CPEB3: variants seen among roughly 807,000 people sequenced by gnomAD.
CPEB3 encodes cytoplasmic polyadenylation element-binding protein 3.
A neutral mutation model predicts 67.2 loss-of-function variants in CPEB3; 20 were observed. The observed-to-expected ratio is 0.30, with a 90% CI of 0.21 to 0.43. The LOEUF (loss-of-function observed/expected upper bound fraction) is 0.43, where lower values mean the gene tolerates loss of function less well. CPEB3 is among the 20% of genes least tolerant of loss of function. CPEB3 has a pLI of 1.00. For missense variants in CPEB3, 746 were observed against 968.6 expected (o/e 0.77, Z 3.05); for synonymous variants, 376 against 393.1 (o/e 0.96, Z 0.51).
At chr10:92,175,821 G>T (rs1192011985) in intron 4 of CPEB3, among the ~76,000 whole-genome samples, 3 of 151,058 alleles carry the variant, frequency 2.0e-5, no homozygotes, top group Admixed American at 2.0e-4. Context: ...CGGGTGTGGT[G>T]GCTCACAGCT....
intron 6 of CPEB3, among the ~76,000 whole-genome samples, chr10:92,139,623 T>C (rs79654342): frequency 6.6e-6 from 1 of 152,206 alleles, no homozygotes; most frequent in Non-Finnish European, 1.5e-5. Context: ...TTGTCTTTGA[T>C]AGTACAACAG....
chr10:92,082,056 A>G (rs1390629151), intron 8 of CPEB3, among the ~76,000 whole-genome samples: 1 of 152,218 alleles, frequency 6.6e-6, no homozygotes, highest in African/African-American at 2.4e-5. Context: ...ATTCTAACCC[A>G]ACTGTGAACT....
rs1012019866 is a variant in CPEB3, at chr10:92,050,039, A to C, written c.*2173T>G. The C allele has an allele frequency of 4.6e-5, 7 of 152,604 alleles. No individual in the cohort carries two copies. The highest frequency in any genetic ancestry group is 8.8e-5 in the Non-Finnish European group (6 of 68,000). The allele number at this position is 152,604 out of a possible 1,614,324, so 9.5% of individuals were successfully genotyped here. A position where few individuals can be genotyped will look rare whatever the true frequency, so the allele number is the denominator to read the frequency against. On this transcript the variant is annotated 3_prime_UTR_variant, in exon 10 of 10. Transcript: ENST00000265997. ...TTGAGGTATTGCAAAAGATCATGTC[A>C]GTCAGAAAGCATGCCTTTTTCCTTA...
At chr10:92,196,924 C>T (rs1250902158) in intron 2 of CPEB3, among the ~76,000 whole-genome samples, 2 of 150,602 alleles carry the variant, frequency 1.3e-5, no homozygotes, top group African/African-American at 4.9e-5. Flanking sequence ...AGAGTGAGAC[C>T]CCATCTCAAA....
chr10:92,276,433 C>T (rs1379042418), intron 1 of CPEB3, among the ~76,000 whole-genome samples: 2 of 152,000 alleles, frequency 1.3e-5, no homozygotes, highest in African/African-American at 4.8e-5. Context: ...CACCTGCCAC[C>T]ATGCCTGGCT....
chr10:92,063,989 AAAAG>A (rs1842456876), intron 9 of CPEB3, among the ~76,000 whole-genome samples: 1 of 152,172 alleles, frequency 6.6e-6, no homozygotes, highest in African/African-American at 2.4e-5. Flanking sequence ...TTGGGTCAAA[AAAAG>A]AAAGAAAGAA....
chr10:92,287,642 CTAAT>C (rs1842593371), intron 1 of CPEB3, among the ~76,000 whole-genome samples: 2 of 152,062 alleles, frequency 1.3e-5, no homozygotes, highest in South Asian at 2.1e-4. Flanking sequence ...TTCTGTGGAG[CTAAT>C]TACTCTTTTA....
intron 7 of CPEB3, among the ~76,000 whole-genome samples, chr10:92,107,913 A>T (rs1192494106): frequency 1.3e-5 from 2 of 152,186 alleles, no homozygotes; most frequent in African/African-American, 4.8e-5. Flanking sequence ...CTGATGAAAA[A>T]TATCTCCCTA....
intron 9 of CPEB3, among the ~76,000 whole-genome samples, chr10:92,068,312 A>G (rs1842631224): frequency 6.6e-6 from 1 of 152,204 alleles, no homozygotes; most frequent in Non-Finnish European, 1.5e-5. Flanking sequence ...ACCAAGTGCT[A>G]GTGTCATATA....
At chr10:92,076,828 G>GGGGAGAAA (rs1842953325) in intron 9 of CPEB3, among the ~76,000 whole-genome samples, 1 of 129,898 alleles carries the variant, frequency 7.7e-6, no homozygotes, top group East Asian at 2.6e-4. Context: ...AGAAAGAGGA[G>GGGGAGAAA]GAGGAGGAAA....
In CPEB3 at chr10:92,058,491, G is replaced by GTGAGC. The variant is rs1842198111; in HGVS notation, c.1870-6057_1870-6053dup. 2.0e-5 allele frequency among the ~76,000 whole-genome samples: 3 copies of GTGAGC among 152,132 alleles called. No homozygotes were observed. The East Asian group carries it at 5.8e-4, about 29-fold the overall frequency. ...TTAAACCCCAGAGGTGGAGGTTGCA[G>GTGAGC]TGAGCTGAGATCGTGCCACTGCACT... is the stretch of plus-strand genomic sequence containing the variant. On this transcript the variant is annotated intron_variant, in intron 9 of 9. Coordinates refer to ENST00000265997, the MANE Select transcript of CPEB3 (RefSeq NM_014912.5).
intron 4 of CPEB3, among the ~76,000 whole-genome samples, chr10:92,173,050 A>G (rs1298850111): frequency 6.6e-6 from 1 of 152,212 alleles, no homozygotes; most frequent in African/African-American, 2.4e-5. Context: ...CTGATCACCC[A>G]TATTGAGTGC....
At chr10:92,078,030 A>G (rs1220712708) in intron 9 of CPEB3, among the ~76,000 whole-genome samples, 1 of 152,136 alleles carries the variant, frequency 6.6e-6, no homozygotes, top group East Asian at 1.9e-4. Context: ...TCTTGTGCCC[A>G]CTGCAACAGT....
rs1175946551 is a variant in CPEB3, at chr10:92,049,845, ATAT to A, written c.*2364_*2366del. 6.6e-6 allele frequency: 1 copy of A among 152,574 alleles called. No homozygotes were observed. Among genetic ancestry groups the A allele is most frequent in the Non-Finnish European group, 1.5e-5 (1 of 68,026 alleles). 9.5% of individuals were successfully genotyped at this position (152,574 alleles called of 1,614,324 possible). A position where few individuals can be genotyped will look rare whatever the true frequency, so the allele number is the denominator to read the frequency against. Reference sequence around the variant, plus strand: ...TTCTGTAGGTTAGATATGATCTTTAATATTATAGTTATAAAGCTCTAACTTCTT... The same window carrying A: ...TTCTGTAGGTTAGATATGATCTTTAATATAGTTATAAAGCTCTAACTTCTT... On this transcript the variant is annotated 3_prime_UTR_variant, in exon 10 of 10. Transcript: ENST00000265997.
chr10:92,235,179 G>C (rs888424499), intron 2 of CPEB3, among the ~76,000 whole-genome samples: 5 of 152,138 alleles, frequency 3.3e-5, no homozygotes, highest in African/African-American at 1.2e-4. Context: ...AGAATGCACT[G>C]TATGAAAAAT....
chr10:92,190,664 T>A (rs868239205), intron 3 of CPEB3, among the ~76,000 whole-genome samples: 18 of 25,820 alleles, frequency 7.0e-4, no homozygotes, highest in African/African-American at 2.4e-3. Flanking sequence ...AAACTCCATC[T>A]CAAAAAAAAA....
rs531076535 is a variant in CPEB3, at chr10:92,122,331, C to T, written c.1454-11137G>A. 1.4e-4 allele frequency among the ~76,000 whole-genome samples: 22 copies of T among 152,340 alleles called. No homozygotes were observed. The South Asian group carries it at 2.7e-3, about 19-fold the overall frequency. On this transcript the variant is annotated intron_variant, in intron 6 of 9. Transcript: ENST00000265997. ...CGGCATGGAAAGGCCAAAGGGTCAA[C>T]TCACTTGGACAACGGTGAGCAGAGT... is the stretch of plus-strand genomic sequence containing the variant.
chr10:92,100,302 T>A (rs1317308163), intron 7 of CPEB3, among the ~76,000 whole-genome samples: 1 of 152,178 alleles, frequency 6.6e-6, no homozygotes, highest in Non-Finnish European at 1.5e-5. Context: ...AGACAGAGTT[T>A]CACTCTTGTT....
At position 92,081,452 on chromosome 10, in the gene CPEB3, A is replaced by G; in HGVS notation, c.1737T>C (p.Ala579=). 6.2e-7 allele frequency: 1 copy of G among 1,614,146 alleles called. No homozygotes were observed. The highest frequency in any genetic ancestry group is 8.5e-7 in the Non-Finnish European group (1 of 1,180,016). Reference sequence around the variant, plus strand: ...TCAGCTCTGGGTCCGTATCAATGCCAGCATAGCAGACACCACCGTACAAAC... The same window carrying G: ...TCAGCTCTGGGTCCGTATCAATGCCGGCATAGCAGACACCACCGTACAAAC... ...MDRLYGGVCY[A]GIDTDPELKY... Residue 579 remains alanine (A), a synonymous_variant, in exon 9 of 10, where the codon GCT becomes GCC. Transcript: ENST00000265997.
Sources: gnomAD v4.1 joint callset for allele counts (sites outside exome capture counted in the v4.1 genomes callset) on GRCh38, gnomAD v4.1.1 for gene constraint, MANE v1.5 for transcripts, NCBI Gene and HGNC (gene_info 2026-07-23, HGNC 2026-07-21) for gene names.